MASTL: variants seen among roughly 807,000 people sequenced by gnomAD.
The protein encoded by MASTL is microtubule associated serine/threonine kinase like.
MASTL carries 54 observed loss-of-function variants against 82.5 expected under a neutral mutation model. The ratio of observed to expected loss-of-function variants is 0.65; its 90% CI spans 0.53 to 0.82. The LOEUF (loss-of-function observed/expected upper bound fraction) is 0.82. MASTL is among the 40% of genes least tolerant of loss of function. The probability of loss-of-function intolerance (pLI) is 0.00; values close to 1 mark genes in which losing one functional copy is unlikely to be tolerated. For missense variants in MASTL, 950 were observed against 1,047.8 expected (o/e 0.91, Z 1.29); for synonymous variants, 323 against 368.9 (o/e 0.88, Z 1.43).
At chr10:27,178,580 A>G (rs2058176734) in intron 9 of MASTL, among the ~76,000 whole-genome samples, 1 of 152,104 alleles carries the variant, frequency 6.6e-6, no homozygotes, top group South Asian at 2.1e-4. Flanking sequence ...GGCTAATAAC[A>G]TATAATTGCA....
At position 27,155,484 on chromosome 10, in the gene MASTL, G is replaced by A. The variant is rs2057327714; in HGVS notation, c.58G>A (p.Gly20Ser). Residue 20 changes from glycine to serine, a missense_variant, in exon 1 of 12, where the codon GGC becomes AGC. Physicochemically the swap from Gly to Ser is moderately conservative, Grantham distance 56. Coordinates refer to ENST00000375940, the MANE Select transcript of MASTL (RefSeq NM_001172303.3). ...TGGAGGAGGCGCGGCGACTGAGGAG[G>A]GCGTGAATAGGATCGCAGTGCCAAA... ...EPGGGAATEE[G>S]VNRIAVPKPP... 1.2e-6 allele frequency: 2 copies of A among 1,614,040 alleles called. No individual in the cohort carries two copies. Among genetic ancestry groups the A allele is most frequent in the South Asian group, 2.2e-5 (2 of 91,084 alleles).
intron 3 of MASTL, among the ~76,000 whole-genome samples, chr10:27,160,676 G>A (rs918835751): frequency 1.1e-4 from 16 of 151,938 alleles, no homozygotes; most frequent in South Asian, 6.2e-4. Flanking sequence ...GCTTGAACCC[G>A]GAAGGCGGAG....
At chr10:27,163,411 T>C (rs898722051) in intron 4 of MASTL, among the ~76,000 whole-genome samples, 5 of 152,190 alleles carry the variant, frequency 3.3e-5, no homozygotes, top group African/African-American at 1.2e-4. Flanking sequence ...AGATAAGCTA[T>C]TGGAAAATAT....
Position 27,187,255 on chromosome 10 carries a change from G to A in MASTL, c.*719G>A, listed in dbSNP as rs1325489101. On this transcript the variant is annotated 3_prime_UTR_variant, in exon 12 of 12. Coordinates refer to ENST00000375940, the MANE Select transcript of MASTL (RefSeq NM_001172303.3). ...GAGGAGGTTGTGGTGAGCCAAGATC[G>A]TGCCACTGCACTCCAGCCTGGGCAA... 2.0e-5 allele frequency among the ~76,000 whole-genome samples: 3 copies of A among 151,524 alleles called. No homozygotes were observed. Among genetic ancestry groups the A allele is most frequent in the East Asian group, 2.0e-4 (1 of 5,100 alleles).
rs978117734 is a variant in MASTL at position 27,159,887 on chromosome 10, A to G, written c.464+129A>G. 35 of 778,542 alleles carry G rather than the reference A, an allele frequency of 4.5e-5. No individual in the cohort carries two copies. Among genetic ancestry groups the G allele is most frequent in the East Asian group, 1.3e-4 (5 of 39,826 alleles). 48.2% of individuals were successfully genotyped at this position (778,542 alleles called of 1,614,324 possible). On this transcript the variant is annotated intron_variant, in intron 3 of 11. Transcript: ENST00000375940. This position sits in a 1 kb window ranked among gnomAD's most constrained non-coding sequence, Gnocchi z 4.0. Reference sequence around the variant, plus strand: ...TATCTAAAGTTTACTAGTAACTTGTATTCATTTAGAAATTAACTCTTCTTT... The same window carrying G: ...TATCTAAAGTTTACTAGTAACTTGTGTTCATTTAGAAATTAACTCTTCTTT...
intron 9 of MASTL, chr10:27,177,695 C>A: frequency 4.9e-6 from 1 of 203,130 alleles, no homozygotes; most frequent in Non-Finnish European, 8.7e-6. Context: ...GTCTTTGTAT[C>A]CTTTATATCT....
At chr10:27,173,604 G>T (rs1431910997) in intron 9 of MASTL, among the ~76,000 whole-genome samples, 1 of 151,676 alleles carries the variant, frequency 6.6e-6, no homozygotes, top group Non-Finnish European at 1.5e-5. Context: ...TTTTGAGACA[G>T]AGTTTCTCTT....
chr10:27,181,524 C>A lies in MASTL; in HGVS notation c.2425C>A (p.Gln809Lys). The A allele has an allele frequency of 6.2e-7, 1 of 1,613,204 alleles. No homozygotes were observed. Among genetic ancestry groups the A allele is most frequent in the Non-Finnish European group, 8.5e-7 (1 of 1,179,356 alleles). Residue 809 changes from glutamine (Q) to lysine (K), a missense_variant, in exon 11 of 12, where the codon CAA becomes AAA. Transcript: ENST00000375940. The stretch of plus-strand genomic sequence containing the variant: ...TGAAGAAAAGTTATCTGATAATGCT[C>A]AAAGTGCAGTAGAAATACTTTTAAC... ...EGEEKLSDNA[Q>K]SAVEILLTID...
At chr10:27,161,048 A>G in intron 3 of MASTL, 46 bp from the exon 4 acceptor site, 4 of 1,201,110 alleles carry the variant, frequency 3.3e-6, no homozygotes, top group Non-Finnish European at 5.0e-6. Context: ...TAACATTAAA[A>G]CTAGCCCTTT....
At chr10:27,156,829 ATTT>A (rs10660334) in intron 1 of MASTL, among the ~76,000 whole-genome samples, 2 of 122,364 alleles carry the variant, frequency 1.6e-5, no homozygotes, top group Admixed American at 1.7e-4. Context: ...CCTGCTATGA[ATTT>A]TTTTTTTTTT....
intron 8 of MASTL, among the ~76,000 whole-genome samples, chr10:27,171,688 C>T (rs1360183534): frequency 6.6e-6 from 1 of 151,826 alleles, no homozygotes; most frequent in African/African-American, 2.4e-5. Context: ...CCACCTCGGC[C>T]TCTCAAAGTG....
In MASTL at chr10:27,165,464, T is replaced by G; in HGVS notation, c.736T>G (p.Ser246Ala). 1 of 1,614,152 alleles carries G rather than the reference T, an allele frequency of 6.2e-7. No homozygotes were observed. Among genetic ancestry groups the G allele is most frequent in the Non-Finnish European group, 8.5e-7 (1 of 1,180,012 alleles). Residue 246 changes from serine (S) to alanine (A), a missense_variant, in exon 6 of 12, where the codon TCT becomes GCT. Ser to Ala is a moderately conservative substitution (Grantham distance 99). Coordinates refer to ENST00000375940, the MANE Select transcript of MASTL (RefSeq NM_001172303.3). ...SACLSETSQL[S>A]QGLVCPMSVD... ...CTGTCTGTCTGAAACATCACAGCTTTCTCAAGGACTCGTATGCCCTATGTC... is the reference window on the plus strand; with the variant it reads ...CTGTCTGTCTGAAACATCACAGCTTGCTCAAGGACTCGTATGCCCTATGTC...
At chr10:27,167,020 CT>C in intron 6 of MASTL, 81 bp from the exon 7 acceptor site, 1 of 1,099,808 alleles carries the variant, frequency 9.1e-7, no homozygotes, top group Non-Finnish European at 1.4e-6. Context: ...TGATACTTTG[CT>C]TAATTATATG....
chr10:27,172,654 CAAAAAA>C (rs796642250), intron 8 of MASTL, among the ~76,000 whole-genome samples: 1 of 143,158 alleles, frequency 7.0e-6, no homozygotes, highest in Non-Finnish European at 1.5e-5. Flanking sequence ...AACTCCATCT[CAAAAAA>C]AAAAACTTGT....
At chr10:27,181,113 A>G (rs779072194) in intron 10 of MASTL, 47 bp downstream of exon 10, 2 of 1,369,538 alleles carry the variant, frequency 1.5e-6, no homozygotes, top group Non-Finnish European at 2.1e-6. Context: ...GGCTGGGCAT[A>G]GTGGCCCATG....
intron 3 of MASTL, among the ~76,000 whole-genome samples, chr10:27,160,066 G>T (rs2135973398): frequency 6.6e-6 from 1 of 150,836 alleles, no homozygotes; most frequent in South Asian, 2.1e-4. Context: ...CTTGACCTTG[G>T]CTCACTGCAG....
At chr10:27,172,782 A>G (rs1395151856) in intron 8 of MASTL, among the ~76,000 whole-genome samples, 1 of 146,582 alleles carries the variant, frequency 6.8e-6, no homozygotes, top group Non-Finnish European at 1.5e-5. Context: ...AGCCTTCCTC[A>G]GTGGCTCTTC....
In MASTL at chr10:27,172,103, G is replaced by A. The variant is rs113851361; in HGVS notation, c.2125-1015G>A. On this transcript the variant is annotated intron_variant, in intron 8 of 11. Transcript: ENST00000375940. ...TGGCCTCCCAAAGTGCTGGGATTAC[G>A]GGCATGAGCCACCATGCCCAGCGAA... 2.3e-3 allele frequency among the ~76,000 whole-genome samples: 353 copies of A among 151,752 alleles called. 2 individuals carry two copies. Among genetic ancestry groups the A allele is most frequent in the African/African-American group, 8.3e-3 (342 of 41,404 alleles).
In MASTL at chr10:27,170,062, C is replaced by T; in HGVS notation, c.1103C>T (p.Ala368Val). ...KGFNKKDLEL[A>V]LSPIHNSSAL... is the part of the protein sequence containing the mutation. The stretch of plus-strand genomic sequence containing the variant: ...TTCAATAAAAAGGATCTGGAGTTAG[C>T]TCTTTCTCCCATTCATAACAGCAGT... Residue 368 changes from alanine to valine, a missense_variant, in exon 8 of 12, where the codon GCT (alanine) becomes GTT (valine). Coordinates refer to ENST00000375940, the MANE Select transcript of MASTL (RefSeq NM_001172303.3). The T allele has an allele frequency of 6.2e-7, 1 of 1,614,182 alleles. No individual in the cohort carries two copies. The highest frequency in any genetic ancestry group is 8.5e-7 in the Non-Finnish European group (1 of 1,180,024).
Sources: allele counts gnomAD v4.1 joint callset (sites outside exome capture counted in the v4.1 genomes callset), GRCh38; gene constraint gnomAD v4.1.1; non-coding constraint Gnocchi (gnomAD v3.1); transcripts MANE v1.5; gene names NCBI Gene and HGNC (gene_info 2026-07-23, HGNC 2026-07-21).